PHYKPL: variants seen among roughly 807,000 people sequenced by gnomAD.
PHYKPL encodes 5-phosphonooxy-L-lysine phospho-lyase.
A neutral mutation model predicts 51.3 loss-of-function variants in PHYKPL; 42 were observed. The observed-to-expected ratio is 0.82, with a 90% confidence interval of 0.64 to 1.06. PHYKPL has a LOEUF of 1.06. Among genes scored for constraint, PHYKPL ranks in the 50% least tolerant of loss-of-function variants. PHYKPL has a pLI of 0.00. For synonymous variants in PHYKPL, 264 were observed against 236.0 expected, an observed-to-expected ratio of 1.12 and a Z score of -1.09; for missense variants, 655 against 586.6, an observed-to-expected ratio of 1.12 and a Z score of -1.20.
chr5:178,226,877 G>A (rs1455615066), intron 3 of PHYKPL, among the ~76,000 whole-genome samples: 1 of 152,108 alleles, frequency 6.6e-6, no homozygotes, highest in African/African-American at 2.4e-5. Flanking sequence ...AACTGTGGAC[G>A]AAAATGAATG....
chr5:178,228,490 C>T (rs1386567538), intron 3 of PHYKPL: 1 of 700,568 alleles, frequency 1.4e-6, no homozygotes, highest in Non-Finnish European at 2.6e-6. Context: ...TCCACCACCA[C>T]TGAGGAAGCA....
chr5:178,227,815 A>C (rs905544843), intron 3 of PHYKPL, among the ~76,000 whole-genome samples: 2 of 152,216 alleles, frequency 1.3e-5, no homozygotes, highest in African/African-American at 4.8e-5. Flanking sequence ...GGAGGACGCC[A>C]GGTGAGAGCA....
intron 12 of PHYKPL, chr5:178,210,445 AGT>A (rs1757879299): frequency 2.0e-6 from 3 of 1,503,228 alleles, no homozygotes; most frequent in Admixed American, 3.6e-5. Context: ...TGAGGAAGGC[AGT>A]CTCTGCTGTC....
intron 6 of PHYKPL, 64 bp from the exon 7 acceptor site, chr5:178,222,998 C>T: frequency 6.6e-7 from 1 of 1,507,386 alleles, no homozygotes; most frequent in East Asian, 2.3e-5. Flanking sequence ...TTAGCGTGCC[C>T]TGCTAGTGCT....
intron 8 of PHYKPL, among the ~76,000 whole-genome samples, chr5:178,217,178 G>A (rs1044970948): frequency 6.6e-6 from 1 of 150,590 alleles, no homozygotes; most frequent in Non-Finnish European, 1.5e-5. Context: ...ATTTGAAGTT[G>A]ATAAGCACAA....
chr5:178,227,999 GC>G (rs1762630452), intron 3 of PHYKPL: 2 of 157,068 alleles, frequency 1.3e-5, no homozygotes, highest in African/African-American at 4.8e-5. Context: ...GCCTTCTTGG[GC>G]AGGTGAGGGA....
At chr5:178,209,226 A>G (rs376126518) in intron 12 of PHYKPL, 4 of 931,742 alleles carry the variant, frequency 4.3e-6, no homozygotes, top group East Asian at 4.9e-5. Context: ...TTCTCAGCAA[A>G]TGGACCTGAT....
At position 178,232,794 on chromosome 5, in the gene PHYKPL, G is replaced by A. The variant is rs1763794177; in HGVS notation, c.-244C>T. The A allele has an allele frequency of 2.9e-6, 1 of 341,052 alleles. No homozygotes were observed. The highest frequency in any genetic ancestry group is 4.9e-6 in the Non-Finnish European group (1 of 203,714). The allele number at this position is 341,052 out of a possible 1,614,324, so 21.1% of individuals were successfully genotyped here. On this transcript the variant is annotated 5_prime_UTR_variant, in exon 1 of 13. Transcript: ENST00000308158. ...AGTCCCGCGCAGGAACTCGAGCGCT[G>A]CCCCGTCTCTGGTTCCGGGACGCGC... is the stretch of plus-strand genomic sequence containing the variant.
intron 12 of PHYKPL, 146 bp downstream of exon 12, chr5:178,211,744 G>T (rs1758500827): frequency 1.6e-6 from 1 of 614,382 alleles, no homozygotes; most frequent in Non-Finnish European, 2.9e-6. Flanking sequence ...AGAATTTCCA[G>T]TGTTGAAGAA....
At chr5:178,225,210 C>G in intron 4 of PHYKPL, 145 bp downstream of exon 4, 1 of 913,958 alleles carries the variant, frequency 1.1e-6, no homozygotes, top group Non-Finnish European at 1.7e-6. Flanking sequence ...AGGTCTCAGG[C>G]CTGGTCCTCT....
chr5:178,209,980 C>T, intron 12 of PHYKPL: 1 of 997,350 alleles, frequency 1.0e-6, no homozygotes, highest in Non-Finnish European at 1.4e-6. Flanking sequence ...CAGGGTTGGG[C>T]CCAGGGCCCT....
chr5:178,222,832 G>A lies in PHYKPL; in HGVS notation c.701+20C>T. ...TTAGACCCCTGCCCTCCCTAGAGCA[G>A]ACCCCGCCCACCTACTCACTCTGCC... is the stretch of plus-strand genomic sequence containing the variant. On this transcript the variant is annotated intron_variant, in intron 7 of 12. Transcript: ENST00000308158. 6.2e-7 allele frequency: 1 copy of A among 1,613,544 alleles called. No individual in the cohort carries two copies. Among genetic ancestry groups the A allele is most frequent in the Non-Finnish European group, 8.5e-7 (1 of 1,179,588 alleles).
intron 10 of PHYKPL, 149 bp downstream of exon 10, chr5:178,214,647 C>A: frequency 1.5e-6 from 1 of 672,798 alleles, no homozygotes. Flanking sequence ...CCAACAACTG[C>A]CCCCACCCGC....
intron 2 of PHYKPL, chr5:178,230,347 C>A: frequency 4.2e-6 from 2 of 472,322 alleles, no homozygotes; most frequent in Non-Finnish European, 3.8e-6. Context: ...AAGCCCATGT[C>A]TTTAAGGAGG....
At chr5:178,212,901 T>C (rs1309996842) in intron 11 of PHYKPL, 72 bp downstream of exon 11, 4 of 1,584,590 alleles carry the variant, frequency 2.5e-6, no homozygotes, top group African/African-American at 1.3e-5. Context: ...CCCTGTTCCA[T>C]GCTAGGAGGC....
intron 2 of PHYKPL, 112 bp downstream of exon 2, chr5:178,231,293 C>G (rs987798811): frequency 6.4e-7 from 1 of 1,552,768 alleles, no homozygotes; most frequent in African/African-American, 1.4e-5. Context: ...CTGACAGTGC[C>G]TCAACTCCAC....
chr5:178,227,232 CAA>C (rs900583571), intron 3 of PHYKPL, among the ~76,000 whole-genome samples: 10 of 152,186 alleles, frequency 6.6e-5, no homozygotes, highest in Admixed American at 1.3e-4. Context: ...TCTGGACACA[CAA>C]AGAGACACCA....
chr5:178,231,333 A>G, intron 2 of PHYKPL, 72 bp downstream of exon 2: 1 of 1,608,786 alleles, frequency 6.2e-7, no homozygotes, highest in Non-Finnish European at 8.5e-7. Flanking sequence ...CGGCAATCTC[A>G]GGTCACCTTG....
At chr5:178,210,428 A>AATAAC in intron 12 of PHYKPL, 1 of 1,522,840 alleles carries the variant, frequency 6.6e-7, no homozygotes, top group South Asian at 1.2e-5. Flanking sequence ...TCGGGGTCTT[A>AATAAC]ATAACATGAG....
Sources: allele counts gnomAD v4.1 joint callset (sites outside exome capture counted in the v4.1 genomes callset), GRCh38; gene constraint gnomAD v4.1.1; transcripts MANE v1.5; gene names NCBI Gene and HGNC (gene_info 2026-07-23, HGNC 2026-07-21).